Variants in DCDC2 observed in about 807,000 individuals in gnomAD.
DCDC2 encodes doublecortin domain containing 2.
In DCDC2, 40 loss-of-function variants were observed where a neutral mutation model predicts 50.2. The ratio of observed to expected loss-of-function variants is 0.80; its 90% confidence interval spans 0.62 to 1.04. The LOEUF (loss-of-function observed/expected upper bound fraction) is 1.04, where lower values mean the gene tolerates loss of function less well. Among genes scored for constraint, DCDC2 ranks in the 50% least tolerant of loss-of-function variants. DCDC2 has a pLI of 0.00. For synonymous variants in DCDC2, 234 were observed against 210.6 expected (o/e 1.11, Z -0.96); for missense variants, 570 against 581.9 (o/e 0.98, Z 0.21).
intron 2 of DCDC2, among the ~76,000 whole-genome samples, chr6:24,352,621 G>T (rs1291695667): frequency 6.6e-6 from 1 of 152,122 alleles, no homozygotes; most frequent in African/African-American, 2.4e-5. Context: ...TGTACAATTA[G>T]AATTTTTTTC....
chr6:24,275,319 G>C (rs1561753953), intron 7 of DCDC2, among the ~76,000 whole-genome samples: 1 of 152,194 alleles, frequency 6.6e-6, no homozygotes, highest in Non-Finnish European at 1.5e-5. Context: ...ATCCCATTAA[G>C]AACCAAATTG....
chr6:24,299,751 GA>G (rs1038324201), intron 4 of DCDC2, among the ~76,000 whole-genome samples: 2 of 151,234 alleles, frequency 1.3e-5, no homozygotes, highest in East Asian at 2.0e-4. Flanking sequence ...CAGTTTCTAC[GA>G]AAAAAAATTT....
At chr6:24,284,196 T>C (rs2113824533) in intron 6 of DCDC2, among the ~76,000 whole-genome samples, 1 of 152,286 alleles carries the variant, frequency 6.6e-6, no homozygotes, top group East Asian at 1.9e-4. Flanking sequence ...CCGCCCCCAC[T>C]GCGGCCACCT....
At chr6:24,196,903 C>T (rs377074148) in intron 8 of DCDC2, among the ~76,000 whole-genome samples, 4 of 152,172 alleles carry the variant, frequency 2.6e-5, no homozygotes, top group Admixed American at 6.5e-5. Context: ...GGGCTTTCAA[C>T]GAATTTCTCC....
At chr6:24,230,984 C>T (rs576756173) in intron 7 of DCDC2, among the ~76,000 whole-genome samples, 4 of 152,244 alleles carry the variant, frequency 2.6e-5, no homozygotes, top group African/African-American at 9.6e-5. Flanking sequence ...AAAGCAGAGT[C>T]CTAAGAGAAA....
intron 7 of DCDC2, among the ~76,000 whole-genome samples, chr6:24,263,111 C>T (rs1228629473): frequency 6.6e-6 from 1 of 152,228 alleles, no homozygotes; most frequent in Non-Finnish European, 1.5e-5. Flanking sequence ...TTGGATCTTA[C>T]CCCAGATCAC....
intron 4 of DCDC2, among the ~76,000 whole-genome samples, chr6:24,295,468 G>C (rs1422715341): frequency 6.6e-6 from 1 of 152,024 alleles, no homozygotes; most frequent in African/African-American, 2.4e-5. Context: ...CCCTTCCTAG[G>C]GCAGTCATCA....
At position 24,357,882 on chromosome 6, in the gene DCDC2, G is replaced by C. The variant is rs1760510288; in HGVS notation, c.-132C>G. On this transcript the variant is annotated 5_prime_UTR_variant, in exon 1 of 10. Transcript: ENST00000378454. ...ACGAGAAACTGACGAATCCACAGGT[G>C]AAAGAGAAGTAACGGCCGTGCGCCT... 6.4e-7 allele frequency: 1 copy of C among 1,562,492 alleles called. No individual in the cohort carries two copies. Among genetic ancestry groups the C allele is most frequent in the Non-Finnish European group, 8.7e-7 (1 of 1,153,638 alleles).
chr6:24,236,651 G>A (rs541441122), intron 7 of DCDC2, among the ~76,000 whole-genome samples: 121 of 152,132 alleles, frequency 8.0e-4, no homozygotes, highest in Non-Finnish European at 1.5e-3. Flanking sequence ...CCAAATGAAA[G>A]CCTAACATCT....
chr6:24,245,278 G>A (rs1030276081), intron 7 of DCDC2, among the ~76,000 whole-genome samples: 12 of 152,130 alleles, frequency 7.9e-5, no homozygotes, highest in East Asian at 1.9e-4. Context: ...AGGTTCGAGC[G>A]GCTGGGAGCT....
At chr6:24,242,571 C>T (rs1388245285) in intron 7 of DCDC2, among the ~76,000 whole-genome samples, 1 of 152,204 alleles carries the variant, frequency 6.6e-6, no homozygotes, top group African/African-American at 2.4e-5. Flanking sequence ...AGCACAGATG[C>T]CCATATCTAA....
At chr6:24,316,342 T>C (rs1759659319) in intron 2 of DCDC2, among the ~76,000 whole-genome samples, 2 of 152,006 alleles carry the variant, frequency 1.3e-5, no homozygotes, top group African/African-American at 4.8e-5. Flanking sequence ...GAGAAAAAAA[T>C]TCCAGAGGAC....
intron 8 of DCDC2, among the ~76,000 whole-genome samples, chr6:24,197,291 C>T (rs1294550843): frequency 4.6e-5 from 7 of 152,090 alleles, no homozygotes; most frequent in Admixed American, 4.6e-4. Context: ...TGAGGATCAT[C>T]GAATGTCAAA....
At chr6:24,197,137 C>T (rs145166972) in intron 8 of DCDC2, among the ~76,000 whole-genome samples, 1 of 152,252 alleles carries the variant, frequency 6.6e-6, no homozygotes, top group African/African-American at 2.4e-5. Flanking sequence ...CCAGCTTTTA[C>T]CAATCTGTTT....
chr6:24,271,465 G>A (rs1763237732), intron 7 of DCDC2, among the ~76,000 whole-genome samples: 1 of 152,108 alleles, frequency 6.6e-6, no homozygotes, highest in Non-Finnish European at 1.5e-5. Context: ...TCCTCCTGCA[G>A]AGGATCACGC....
intron 7 of DCDC2, chr6:24,205,437 C>G (rs1378004279): frequency 1.8e-6 from 2 of 1,100,516 alleles, no homozygotes; most frequent in Admixed American, 6.2e-5. Flanking sequence ...CCAGTTCTCC[C>G]CTCCTATTCA....
chr6:24,267,537 G>A (rs912197271), intron 7 of DCDC2, among the ~76,000 whole-genome samples: 4 of 152,072 alleles, frequency 2.6e-5, no homozygotes, highest in Non-Finnish European at 5.9e-5. Context: ...GACTTGCTGG[G>A]TCTCAAAAAA....
intron 7 of DCDC2, among the ~76,000 whole-genome samples, chr6:24,253,686 G>GT (rs754827164): frequency 4.1e-4 from 63 of 152,044 alleles, no homozygotes; most frequent in Non-Finnish European, 7.5e-4. Flanking sequence ...AAAAAGTACA[G>GT]TAAAAAAAAA....
intron 7 of DCDC2, among the ~76,000 whole-genome samples, chr6:24,251,612 C>T (rs1027252482): frequency 2.0e-5 from 3 of 152,140 alleles, no homozygotes; most frequent in African/African-American, 4.8e-5. Flanking sequence ...GGCTTCAGCT[C>T]TCTGGTCTTG....
Sources: gnomAD v4.1 joint callset for allele counts (sites outside exome capture counted in the v4.1 genomes callset) on GRCh38, gnomAD v4.1.1 for gene constraint, MANE v1.5 for transcripts, NCBI Gene and HGNC (gene_info 2026-07-23, HGNC 2026-07-21) for gene names.